Variants in CREB3L1 observed in about 807,000 individuals in gnomAD.
The protein encoded by CREB3L1 is cAMP responsive element binding protein 3 like 1, also known as cyclic AMP-responsive element-binding protein 3-like protein 1.
CREB3L1 carries 33 observed loss-of-function variants against 54.5 expected under a neutral mutation model. That is an observed-to-expected ratio of 0.61 (90% CI 0.46 to 0.81). The LOEUF (loss-of-function observed/expected upper bound fraction) is 0.81. CREB3L1 is among the 30% of genes least tolerant of loss of function. CREB3L1 has a pLI of 0.00. For synonymous variants in CREB3L1, 284 were observed against 286.4 expected (o/e 0.99, Z 0.08); for missense variants, 656 against 673.3 (o/e 0.97, Z 0.29).
At chr11:46,296,403 G>T (rs1448699067) in intron 1 of CREB3L1, among the ~76,000 whole-genome samples, 1 of 152,054 alleles carries the variant, frequency 6.6e-6, no homozygotes, top group Non-Finnish European at 1.5e-5. Context: ...TCACCAGCTC[G>T]CTCACTGTGC....
Position 46,312,651 on chromosome 11 carries a change from G to A in CREB3L1, c.943G>A (p.Val315Met), listed in dbSNP as rs901970546. ...QESRRKKKEY[V>M]ECLEKKVETF... is the part of the protein sequence containing the mutation. The stretch of plus-strand genomic sequence containing the variant: ...GAGCCGTCGTAAGAAGAAGGAGTAT[G>A]TGGAGTGTCTAGAAAAGAAGTAAGG... Residue 315 changes from valine to methionine, a missense_variant, in exon 7 of 12, where the codon GTG becomes ATG. Val to Met is a conservative substitution (Grantham distance 21, BLOSUM62 1). Coordinates refer to ENST00000621158, the MANE Select transcript of CREB3L1 (RefSeq NM_052854.4). 4 of 1,610,952 alleles carry A rather than the reference G, an allele frequency of 2.5e-6. No individual in the cohort carries two copies. Among genetic ancestry groups the A allele is most frequent in the African/African-American group, 2.7e-5 (2 of 74,890 alleles).
chr11:46,317,559 A>G, intron 10 of CREB3L1, 72 bp downstream of exon 10: 1 of 1,575,836 alleles, frequency 6.3e-7, no homozygotes, highest in South Asian at 1.1e-5. Flanking sequence ...TCCAGGCAGA[A>G]GCCAGACATA....
Position 46,310,009 on chromosome 11 carries a change from G to A in CREB3L1, c.537G>A (p.Gln179=), listed in dbSNP as rs1340527889. The A allele has an allele frequency of 6.2e-7, 1 of 1,603,506 alleles. No homozygotes were observed. The highest frequency in any genetic ancestry group is 1.7e-5 in the Admixed American group (1 of 58,750). Residue 179 remains glutamine (Q), a synonymous_variant, in exon 4 of 12, where the codon CAG becomes CAA. Coordinates refer to ENST00000621158, the MANE Select transcript of CREB3L1 (RefSeq NM_052854.4). ...CTCAGGCCCCGGGAGAGATGACTCA[G>A]CTGCCAGTGATCAAAGCAGAGCCTC... ...IPHQAPGEMT[Q]LPVIKAEPLE...
At chr11:46,317,726 A>T (rs1939588417) in intron 10 of CREB3L1, among the ~76,000 whole-genome samples, 1 of 152,208 alleles carries the variant, frequency 6.6e-6, no homozygotes, top group African/African-American at 2.4e-5. Context: ...GCTCCCAGAG[A>T]GCTCAGGAGT....
At chr11:46,309,355 G>A (rs757170675) in intron 3 of CREB3L1, among the ~76,000 whole-genome samples, 13 of 152,194 alleles carry the variant, frequency 8.5e-5, no homozygotes, top group Non-Finnish European at 1.6e-4. Context: ...TGGTAGTCAT[G>A]TGTACAAAGC....
chr11:46,310,000 G>A lies in CREB3L1; in HGVS notation c.528G>A (p.Glu176=). The A allele has an allele frequency of 6.2e-7, 1 of 1,601,828 alleles. No homozygotes were observed. The highest frequency in any genetic ancestry group is 8.5e-7 in the Non-Finnish European group (1 of 1,174,534). The change falls in exon 4 of 12, where the codon GAG becomes GAA. Residue 176 remains glutamate, a synonymous_variant. Transcript: ENST00000621158. ...TGTCTGTTCCTCAGGCCCCGGGAGA[G>A]ATGACTCAGCTGCCAGTGATCAAAG... ...RLPIPHQAPG[E]MTQLPVIKAE...
chr11:46,285,223 C>T (rs191322857), intron 1 of CREB3L1, among the ~76,000 whole-genome samples: 24 of 152,292 alleles, frequency 1.6e-4, no homozygotes, highest in African/African-American at 5.8e-4. Context: ...CTCTCTGGAA[C>T]CTGGCTTGCC....
chr11:46,309,938 TGG>T, intron 3 of CREB3L1, 49 bp from the exon 4 acceptor site: 1 of 1,455,626 alleles, frequency 6.9e-7, no homozygotes. Flanking sequence ...GATGGCATGG[TGG>T]GGACAGACCC....
At position 46,278,102 on chromosome 11, in the gene CREB3L1, G is replaced by A. The variant is rs765150213; in HGVS notation, c.-10G>A. On this transcript the variant is annotated 5_prime_UTR_variant, in exon 1 of 12. Transcript: ENST00000621158. This position sits in a 1 kb window ranked among gnomAD's most constrained non-coding sequence, Gnocchi z 4.2. ...AGCCCAGTGGAAGGGGGTCCCGGGAGCCGGCTGCGATGGACGCCGTCTTGG... is the reference window on the plus strand; with the variant it reads ...AGCCCAGTGGAAGGGGGTCCCGGGAACCGGCTGCGATGGACGCCGTCTTGG... 39 of 1,538,726 alleles carry A rather than the reference G, an allele frequency of 2.5e-5. No individual in the cohort carries two copies. The highest frequency in any genetic ancestry group is 2.9e-5 in the Non-Finnish European group (33 of 1,138,258).
At chr11:46,294,614 C>G (rs549489218) in intron 1 of CREB3L1, among the ~76,000 whole-genome samples, 1 of 152,192 alleles carries the variant, frequency 6.6e-6, no homozygotes, top group Non-Finnish European at 1.5e-5. Context: ...TCTGGGAAGG[C>G]AAGGCCTGGG....
chr11:46,302,850 G>A (rs770038062), intron 2 of CREB3L1, among the ~76,000 whole-genome samples: 7 of 152,136 alleles, frequency 4.6e-5, no homozygotes, highest in Non-Finnish European at 1.0e-4. Context: ...GCATGGTGGC[G>A]TGCGCCTGTA....
Position 46,278,225 on chromosome 11 carries a change from G to T in CREB3L1, c.102+12G>T. On this transcript the variant is annotated intron_variant, in intron 1 of 11. Transcript: ENST00000621158. This position sits in a 1 kb window ranked among gnomAD's most constrained non-coding sequence, Gnocchi z 4.2. The stretch of plus-strand genomic sequence containing the variant: ...TCCTCAACAATGCGGTAAGATGAAG[G>T]GTCTCCGTTCCCGTTCCACCCCTCG... The T allele has an allele frequency of 2.0e-6, 3 of 1,527,822 alleles. No homozygotes were observed. The highest frequency in any genetic ancestry group is 2.5e-5 in the East Asian group (1 of 39,556). 94.6% of individuals were successfully genotyped at this position (1,527,822 alleles called of 1,614,324 possible).
chr11:46,282,209 GA>G (rs1938988397), intron 1 of CREB3L1, among the ~76,000 whole-genome samples: 1 of 152,154 alleles, frequency 6.6e-6, no homozygotes, highest in African/African-American at 2.4e-5. Flanking sequence ...AGAGAAGAGG[GA>G]AAAGTGTCCT....
intron 1 of CREB3L1, among the ~76,000 whole-genome samples, chr11:46,284,930 A>T (rs1939035144): frequency 1.3e-5 from 2 of 152,118 alleles, no homozygotes; most frequent in Admixed American, 6.5e-5. Context: ...GGATGCCTAG[A>T]GCTTTATGGG....
chr11:46,281,735 T>A (rs1226429565), intron 1 of CREB3L1, among the ~76,000 whole-genome samples: 1 of 152,116 alleles, frequency 6.6e-6, no homozygotes, highest in African/African-American at 2.4e-5. Flanking sequence ...TCGGGAGATT[T>A]AGGGAGATTA....
At chr11:46,283,743 C>T (rs1365356470) in intron 1 of CREB3L1, among the ~76,000 whole-genome samples, 1 of 152,046 alleles carries the variant, frequency 6.6e-6, no homozygotes, top group Non-Finnish European at 1.5e-5. Flanking sequence ...ATTATCCAGG[C>T]ATGGTGGCAC....
rs1566190797 is a variant in CREB3L1, at chr11:46,311,111, GC to G, written c.681del (p.Ser228ProfsTer35). 4 of 1,607,512 alleles carry G rather than the reference GC, an allele frequency of 2.5e-6. No homozygotes were observed. The highest frequency in any genetic ancestry group is 2.2e-5 in the East Asian group (1 of 44,608). Reference protein sequence around the residue: ...SDGSQSPRSLPPSSPVRPMAR... With the variant: ...SDGSQSPRSLXPSSPVRPMAR... Reference sequence around the variant, plus strand: ...ACGGCTCCCAGAGTCCCCGCTCTCTGCCCCCCTCCAGCCCTGTCAGGCCCAT... The same window carrying G: ...ACGGCTCCCAGAGTCCCCGCTCTCTGCCCCCTCCAGCCCTGTCAGGCCCAT... On this transcript the variant is annotated frameshift_variant, in exon 5 of 12. Transcript: ENST00000621158. LOFTEE classifies it high-confidence loss of function.
chr11:46,291,473 T>G (rs146203415), intron 1 of CREB3L1, among the ~76,000 whole-genome samples: 2 of 152,320 alleles, frequency 1.3e-5, no homozygotes, highest in Non-Finnish European at 2.9e-5. Context: ...GCACAGTGTA[T>G]AGCAGAACCA....
chr11:46,311,513 T>TG (rs976489257), intron 5 of CREB3L1, among the ~76,000 whole-genome samples: 3 of 151,400 alleles, frequency 2.0e-5, no homozygotes, highest in African/African-American at 7.3e-5. Context: ...TTTGTTTGTT[T>TG]TTTTTTTTTG....
Sources: allele counts gnomAD v4.1 joint callset (sites outside exome capture counted in the v4.1 genomes callset), GRCh38; gene constraint gnomAD v4.1.1; non-coding constraint Gnocchi (gnomAD v3.1); transcripts MANE v1.5; gene names NCBI Gene and HGNC (gene_info 2026-07-23, HGNC 2026-07-21).